NUTM2B: variants seen among roughly 807,000 people sequenced by gnomAD.
NUTM2B encodes NUT family member 2B.
A neutral mutation model predicts 42.4 loss-of-function variants in NUTM2B; 2 were observed. The observed-to-expected ratio is 0.05, with a 90% CI of 0.02 to 0.15. The LOEUF (loss-of-function observed/expected upper bound fraction) is 0.15, where lower values mean the gene tolerates loss of function less well. Among genes scored for constraint, NUTM2B ranks in the 10% least tolerant of loss-of-function variants. NUTM2B has a pLI of 1.00. For missense variants in NUTM2B, 58 were observed against 952.6 expected, an observed-to-expected ratio of 0.06 and a Z score of 12.36; for synonymous variants, 18 against 402.4, an observed-to-expected ratio of 0.04 and a Z score of 11.43.
chr10:79,699,887 CA>C (rs1840280989), upstream of NUTM2B, among the ~76,000 whole-genome samples: 1 of 152,112 alleles, frequency 6.6e-6, no homozygotes, highest in South Asian at 2.1e-4. Flanking sequence ...TACACAAAAC[CA>C]CCCGCACAAA....
At chr10:79,693,823 G>A in the NUTM2B span, among the ~76,000 whole-genome samples, 1 of 152,174 alleles carries the variant, frequency 6.6e-6, no homozygotes. Flanking sequence ...GGGGCAGCAA[G>A]AACTACCAGG....
At chr10:79,709,126 G>A (rs1384638106) in intron 3 of NUTM2B, among the ~76,000 whole-genome samples, 1 of 111,402 alleles carries the variant, frequency 9.0e-6, no homozygotes, top group African/African-American at 4.5e-5. Context: ...CTCTAGCTGT[G>A]GGGATGGGGA....
At chr10:79,709,418 T>C (rs1396658238) in intron 3 of NUTM2B, among the ~76,000 whole-genome samples, 2 of 133,922 alleles carry the variant, frequency 1.5e-5, no homozygotes, top group Non-Finnish European at 3.2e-5. Context: ...CTCGTGCCCC[T>C]GGGTTATCTT....
At chr10:79,692,440 G>C in the NUTM2B span, among the ~76,000 whole-genome samples, 9 of 152,272 alleles carry the variant, frequency 5.9e-5, no homozygotes, top group East Asian at 1.4e-3. Flanking sequence ...TGGGGCTTCT[G>C]GGATTTGAGC....
At position 79,710,774 on chromosome 10, in the gene NUTM2B, C is replaced by T; in HGVS notation, c.1734+10C>T. 2.4e-6 allele frequency: 3 copies of T among 1,269,156 alleles called. No homozygotes were observed. The highest frequency in any genetic ancestry group is 2.6e-5 in the East Asian group (1 of 38,082). The allele number at this position is 1,269,156 out of a possible 1,614,324, so 78.6% of individuals were successfully genotyped here. ...AGACTTCGTCACCAAGGTGGGCTGG[C>T]CTGGAGTGCTGGGGTCTGCTGGATT... is the stretch of plus-strand genomic sequence containing the variant. On this transcript the variant is annotated intron_variant, in intron 5 of 6. Transcript: ENST00000429828.
chr10:79,693,523 C>G, the NUTM2B span, among the ~76,000 whole-genome samples: 2 of 152,208 alleles, frequency 1.3e-5, no homozygotes, highest in Non-Finnish European at 2.9e-5. Flanking sequence ...GAGCCCAGAA[C>G]AAATGGCTCA....
the NUTM2B span, among the ~76,000 whole-genome samples, chr10:79,694,740 T>A: frequency 6.6e-6 from 1 of 152,188 alleles, no homozygotes; most frequent in Non-Finnish European, 1.5e-5. Context: ...CCATTCTCTC[T>A]TGGGGTCCTG....
upstream of NUTM2B, among the ~76,000 whole-genome samples, chr10:79,702,564 A>C (rs2559695): frequency 1.8e-3 from 271 of 151,076 alleles, 13 homozygotes; most frequent in African/African-American, 6.5e-3. Context: ...AAATGTCTTC[A>C]AAAGGGGCAA....
rs2258808 is a variant in NUTM2B, at chr10:79,709,747, C to G, written c.1212-53C>G. On this transcript the variant is annotated intron_variant, in intron 3 of 6. Coordinates refer to ENST00000429828, the Ensembl canonical transcript of NUTM2B. ...TGCCCTCGGCCGCTGCCTGGTCCTG[C>G]GGGGAGGGGGCCTGGACCCTCTCAG... 51 of 522,332 alleles carry G rather than the reference C, an allele frequency of 9.8e-5. 5 individuals are homozygous for G. Among genetic ancestry groups the G allele is most frequent in the African/African-American group, 5.6e-4 (22 of 39,022 alleles). 32.4% of individuals were successfully genotyped at this position (522,332 alleles called of 1,614,324 possible).
At chr10:79,701,489 C>T (rs968170522), upstream of NUTM2B, among the ~76,000 whole-genome samples, 1 of 151,964 alleles carries the variant, frequency 6.6e-6, no homozygotes, top group African/African-American at 2.4e-5. Context: ...ATCCTTTCTG[C>T]TCATTTGCAG....
At chr10:79,711,021 CAT>C (rs1388208420) in intron 5 of NUTM2B, among the ~76,000 whole-genome samples, 1 of 128,904 alleles carries the variant, frequency 7.8e-6, no homozygotes, top group Non-Finnish European at 1.6e-5. Context: ...TTTCCTGTGT[CAT>C]ATGTGGGTCT....
upstream of NUTM2B, among the ~76,000 whole-genome samples, chr10:79,701,065 C>T (rs1840306526): frequency 2.6e-5 from 4 of 152,178 alleles, no homozygotes; most frequent in Non-Finnish European, 1.5e-5. Context: ...TATCCTAAAG[C>T]AAAGTATCCT....
the NUTM2B span, among the ~76,000 whole-genome samples, chr10:79,693,234 A>T: frequency 6.6e-6 from 1 of 152,188 alleles, no homozygotes; most frequent in African/African-American, 2.4e-5. Context: ...GGGCATCAGA[A>T]CAGCCTCCTT....
chr10:79,692,517 C>A, the NUTM2B span, among the ~76,000 whole-genome samples: 1 of 152,186 alleles, frequency 6.6e-6, no homozygotes, highest in Admixed American at 6.5e-5. Context: ...AACTTCCCTG[C>A]CACTGGGGGA....
intron 2 of NUTM2B, among the ~76,000 whole-genome samples, chr10:79,706,971 CTTACTT>C (rs1258562499): frequency 8.9e-6 from 1 of 112,034 alleles, no homozygotes; most frequent in Non-Finnish European, 1.7e-5. Context: ...CCGGCCAATC[CTTACTT>C]TCAATAATTT....
chr10:79,692,532 T>C, the NUTM2B span, among the ~76,000 whole-genome samples: 1 of 152,154 alleles, frequency 6.6e-6, no homozygotes, highest in African/African-American at 2.4e-5. Flanking sequence ...GGGGGAGTGC[T>C]GAGTGCAGAG....
At chr10:79,705,732 T>C (rs949612039) in intron 1 of NUTM2B, among the ~76,000 whole-genome samples, 2 of 147,056 alleles carry the variant, frequency 1.4e-5, no homozygotes, top group African/African-American at 5.0e-5. Context: ...CCCTGACCCA[T>C]GGCTTGGGAG....
At chr10:79,694,733 T>C in the NUTM2B span, among the ~76,000 whole-genome samples, 1 of 152,138 alleles carries the variant, frequency 6.6e-6, no homozygotes, top group Non-Finnish European at 1.5e-5. Context: ...ACCGAATCCA[T>C]TCTCTCTTGG....
upstream of NUTM2B, among the ~76,000 whole-genome samples, chr10:79,701,598 C>G (rs1840315592): frequency 6.6e-6 from 1 of 151,406 alleles, no homozygotes; most frequent in Admixed American, 6.6e-5. Flanking sequence ...CTGCAGGACA[C>G]AGCATGGAGC....
Sources: gnomAD v4.1 joint callset for allele counts (sites outside exome capture counted in the v4.1 genomes callset) on GRCh38, gnomAD v4.1.1 for gene constraint, MANE v1.5 for transcripts, NCBI Gene and HGNC (gene_info 2026-07-23, HGNC 2026-07-21) for gene names.